Variants in GARS1 observed in about 807,000 individuals in gnomAD.
The protein encoded by GARS1 is glycyl-tRNA synthetase 1.
Under a neutral mutation model 86.4 loss-of-function variants are expected in GARS1, and 46 were observed. The ratio of observed to expected loss-of-function variants is 0.53; its 90% confidence interval spans 0.42 to 0.68. The LOEUF is 0.68. Among genes scored for constraint, GARS1 ranks in the 30% least tolerant of loss-of-function variants. The probability of loss-of-function intolerance (pLI) is 0.00; values close to 1 mark genes in which losing one functional copy is unlikely to be tolerated. For missense variants in GARS1, 797 were observed against 915.6 expected (o/e 0.87, Z 1.67); for synonymous variants, 342 against 329.8 (o/e 1.04, Z -0.40).
At chr7:30,611,704 G>C (rs1791601022) in intron 7 of GARS1, among the ~76,000 whole-genome samples, 1 of 152,168 alleles carries the variant, frequency 6.6e-6, no homozygotes, top group African/African-American at 2.4e-5. Flanking sequence ...GGCTGATCTC[G>C]AACTCCCAAC....
chr7:30,599,897 G>A (rs756323585), intron 2 of GARS1, 50 bp from the exon 3 acceptor site: 1 of 1,186,900 alleles, frequency 8.4e-7, no homozygotes, highest in African/African-American at 1.5e-5. Flanking sequence ...TATAAGTTCA[G>A]ATTCCCACCC....
At chr7:30,610,914 A>G (rs137968319) in intron 7 of GARS1, among the ~76,000 whole-genome samples, 2 of 152,350 alleles carry the variant, frequency 1.3e-5, no homozygotes, top group East Asian at 3.9e-4. Flanking sequence ...ATACATACTA[A>G]CTGTAAATAT....
Position 30,622,464 on chromosome 7 carries a change from T to G in GARS1, c.1613+2T>G. 3 of 1,614,070 alleles carry G rather than the reference T, an allele frequency of 1.9e-6. No individual in the cohort carries two copies. The highest frequency in any genetic ancestry group is 2.5e-6 in the Non-Finnish European group (3 of 1,179,988). On this transcript the variant is annotated splice_donor_variant, in intron 12 of 16. Coordinates refer to ENST00000389266, the MANE Select transcript of GARS1 (RefSeq NM_002047.4). LOFTEE classifies it high-confidence loss of function. ...GGAGATGCTGCTGAATGAGAAAGGGTAAGATATCAGATGTTTACTCTTCCA... is the reference window on the plus strand; with the variant it reads ...GGAGATGCTGCTGAATGAGAAAGGGGAAGATATCAGATGTTTACTCTTCCA...
intron 6 of GARS1, among the ~76,000 whole-genome samples, chr7:30,606,265 A>C (rs1791483332): frequency 6.8e-6 from 1 of 146,096 alleles, no homozygotes; most frequent in Admixed American, 6.8e-5. Flanking sequence ...GCATTAACTG[A>C]TGAGGGGATT....
At position 30,609,695 on chromosome 7, in the gene GARS1, C is replaced by T; in HGVS notation, c.846C>T (p.Phe282=). ...CTCCAGTGTCTTTTAACTTAATGTT[C>T]AAGACTTTCATTGGGCCTGGAGGAA... ...LSPPVSFNLM[F]KTFIGPGGNM... Residue 282 remains phenylalanine (F), a synonymous_variant, in exon 7 of 17, where the codon TTC becomes TTT. Coordinates refer to ENST00000389266, the MANE Select transcript of GARS1 (RefSeq NM_002047.4). The T allele has an allele frequency of 6.2e-7, 1 of 1,613,412 alleles. No individual in the cohort carries two copies. The highest frequency in any genetic ancestry group is 1.1e-5 in the South Asian group (1 of 91,068).
At chr7:30,626,497 A>G (rs1264782533) in intron 13 of GARS1, among the ~76,000 whole-genome samples, 178 bp downstream of exon 13, 1 of 152,192 alleles carries the variant, frequency 6.6e-6, no homozygotes, top group Non-Finnish European at 1.5e-5. Context: ...CTACAGGTGC[A>G]GGCTACCATA....
intron 9 of GARS1, among the ~76,000 whole-genome samples, chr7:30,616,814 T>C (rs1224355457): frequency 6.6e-6 from 1 of 152,206 alleles, no homozygotes; most frequent in Non-Finnish European, 1.5e-5. Context: ...ATGAATATTG[T>C]TTTTAGTACT....
chr7:30,615,864 T>C, intron 8 of GARS1, 32 bp from the exon 9 acceptor site: 1 of 1,612,232 alleles, frequency 6.2e-7, no homozygotes, highest in Non-Finnish European at 8.5e-7. Context: ...TAGTTAAATA[T>C]GCAGGTTTAT....
At chr7:30,595,938 G>C in intron 1 of GARS1, 1 of 470,898 alleles carries the variant, frequency 2.1e-6, no homozygotes, top group Non-Finnish European at 4.4e-6. Context: ...CCGAAGGTGA[G>C]GGAAGGTTTC....
At chr7:30,620,576 A>G (rs1052246124) in intron 10 of GARS1, among the ~76,000 whole-genome samples, 5 of 152,214 alleles carry the variant, frequency 3.3e-5, no homozygotes, top group African/African-American at 1.2e-4. Flanking sequence ...CATTCAATTC[A>G]TTGCAGGTTC....
chr7:30,617,718 G>A (rs1782918231), intron 10 of GARS1, among the ~76,000 whole-genome samples: 1 of 152,120 alleles, frequency 6.6e-6, no homozygotes, highest in African/African-American at 2.4e-5. Context: ...TCTGATCTCT[G>A]GCTTAAGAAC....
At chr7:30,628,700 G>A in intron 14 of GARS1, 31 bp downstream of exon 14, 2 of 1,463,828 alleles carry the variant, frequency 1.4e-6, no homozygotes, top group Non-Finnish European at 9.6e-7. Flanking sequence ...TGCTGTTATA[G>A]TGTCAGAAAA....
At chr7:30,623,281 T>C (rs1783055835) in intron 12 of GARS1, among the ~76,000 whole-genome samples, 1 of 151,886 alleles carries the variant, frequency 6.6e-6, no homozygotes, top group African/African-American at 2.4e-5. Flanking sequence ...AAAACAAACA[T>C]GATGCAGTAA....
chr7:30,609,937 T>C (rs375814495), intron 7 of GARS1, among the ~76,000 whole-genome samples: 24 of 152,150 alleles, frequency 1.6e-4, no homozygotes, highest in African/African-American at 5.5e-4. Flanking sequence ...CATATATGTA[T>C]TTTTTTGGCA....
At chr7:30,603,647 A>G in intron 6 of GARS1, 75 bp downstream of exon 6, 1 of 1,021,140 alleles carries the variant, frequency 9.8e-7, no homozygotes, top group Non-Finnish European at 1.5e-6. Context: ...TGACTGTTGC[A>G]TTTCCCATTA....
intron 8 of GARS1, among the ~76,000 whole-genome samples, chr7:30,615,645 T>G (rs544341703): frequency 3.1e-4 from 47 of 152,304 alleles, no homozygotes; most frequent in African/African-American, 9.9e-4. Context: ...AAAATAACCT[T>G]CACATGTACC....
At chr7:30,628,736 A>T in intron 14 of GARS1, 67 bp downstream of exon 14, 1 of 964,600 alleles carries the variant, frequency 1.0e-6, no homozygotes. Context: ...TTACATTGTG[A>T]AGTACATTAA....
Position 30,616,400 on chromosome 7 carries a change from G to A in GARS1, c.1194+342G>A, listed in dbSNP as rs190505477. Among the ~76,000 whole-genome samples, 3 of 152,306 alleles carry A rather than the reference G, an allele frequency of 2.0e-5. No homozygotes were observed. In the East Asian group the frequency reaches 5.8e-4, roughly 29 times the overall value. ...TGGACCCACAGAAAGCAAGCCATCT[G>A]GGTTTCAGACTCTTCTGTATTACCC... On this transcript the variant is annotated intron_variant, in intron 9 of 16. Coordinates refer to ENST00000389266, the MANE Select transcript of GARS1 (RefSeq NM_002047.4).
chr7:30,595,089 C>T lies in GARS1; in HGVS notation c.168C>T (p.Asp56=). The T allele has an allele frequency of 6.5e-7, 1 of 1,544,968 alleles. No individual in the cohort carries two copies. Among genetic ancestry groups the T allele is most frequent in the Middle Eastern group, 1.7e-4 (1 of 5,940 alleles). The change falls in exon 1 of 17, where the codon GAC becomes GAT. Residue 56 remains aspartate (D), a synonymous_variant. Transcript: ENST00000389266. ...LPAAASRSSM[D]GAGAEEVLAP... ...CCGCCGCCTCCCGGAGCAGCATGGA[C>T]GGCGCGGGGGCTGAGGAGGTGCTGG...
Sources: gnomAD v4.1 joint callset for allele counts (sites outside exome capture counted in the v4.1 genomes callset) on GRCh38, gnomAD v4.1.1 for gene constraint, MANE v1.5 for transcripts, NCBI Gene and HGNC (gene_info 2026-07-23, HGNC 2026-07-21) for gene names.